CNTNAP2: variants seen among roughly 807,000 people sequenced by gnomAD.
CNTNAP2 encodes the protein contactin associated protein 2.
Under a neutral mutation model 155.2 loss-of-function variants are expected in CNTNAP2, and 98 were observed. That is an observed-to-expected ratio of 0.63 (90% CI 0.54 to 0.75). The LOEUF (loss-of-function observed/expected upper bound fraction) is 0.75. CNTNAP2 is among the 30% of genes least tolerant of loss of function. The pLI, the probability that CNTNAP2 is intolerant of heterozygous loss-of-function variation, is 0.00. For missense variants in CNTNAP2, 1,727 were observed against 1,688.1 expected (o/e 1.02, Z -0.40); for synonymous variants, 651 against 631.2 (o/e 1.03, Z -0.47).
chr7:148,260,418 A>C (rs1408457920), intron 20 of CNTNAP2, among the ~76,000 whole-genome samples: 1 of 152,222 alleles, frequency 6.6e-6, no homozygotes, highest in Non-Finnish European at 1.5e-5. Context: ...TTAAAAGATC[A>C]GCACAAAGCC....
At chr7:147,009,295 C>T (rs1351810971) in intron 3 of CNTNAP2, among the ~76,000 whole-genome samples, 1 of 152,006 alleles carries the variant, frequency 6.6e-6, no homozygotes, top group Non-Finnish European at 1.5e-5. Context: ...TTTCCCCATT[C>T]TGCTTATAAA....
At chr7:148,112,756 G>C (rs1032915399) in intron 15 of CNTNAP2, among the ~76,000 whole-genome samples, 1 of 152,040 alleles carries the variant, frequency 6.6e-6, no homozygotes, top group African/African-American at 2.4e-5. Context: ...AGAGAAAGGG[G>C]CTGGGGAAGC....
chr7:146,567,804 TCC>T, intron 1 of CNTNAP2, among the ~76,000 whole-genome samples: 1 of 152,092 alleles, frequency 6.6e-6, no homozygotes, highest in Non-Finnish European at 1.5e-5. Flanking sequence ...CACTGCAAGC[TCC>T]GCCTCCCGGG....
intron 1 of CNTNAP2, among the ~76,000 whole-genome samples, chr7:146,333,296 G>C (rs540801022): frequency 6.6e-6 from 1 of 152,174 alleles, no homozygotes; most frequent in Non-Finnish European, 1.5e-5. Context: ...ACTGCTTTAA[G>C]AGTCAAAATG....
intron 21 of CNTNAP2, among the ~76,000 whole-genome samples, chr7:148,305,067 A>G (rs77502851): frequency 1.6e-4 from 24 of 148,624 alleles, no homozygotes; most frequent in South Asian, 4.3e-4. Flanking sequence ...AAAAAAAAAA[A>G]AAGACATTAA....
intron 1 of CNTNAP2, among the ~76,000 whole-genome samples, chr7:146,609,449 G>A (rs1478087788): frequency 1.3e-5 from 2 of 152,186 alleles, no homozygotes; most frequent in Non-Finnish European, 2.9e-5. Context: ...CACTGTTATA[G>A]TATTCTGCTG....
At chr7:147,215,798 A>G (rs970298202) in intron 8 of CNTNAP2, among the ~76,000 whole-genome samples, 3 of 152,054 alleles carry the variant, frequency 2.0e-5, no homozygotes, top group Non-Finnish European at 2.9e-5. Flanking sequence ...ACCATTTTGT[A>G]TTTTCACTGG....
At chr7:147,549,707 C>T (rs2116762114) in intron 11 of CNTNAP2, among the ~76,000 whole-genome samples, 1 of 152,242 alleles carries the variant, frequency 6.6e-6, no homozygotes, top group Admixed American at 6.5e-5. Flanking sequence ...CACAGCAGTT[C>T]TGGTATAAGG....
intron 12 of CNTNAP2, among the ~76,000 whole-genome samples, chr7:147,580,420 CT>C (rs1367308721): frequency 6.6e-6 from 1 of 152,138 alleles, no homozygotes; most frequent in Non-Finnish European, 1.5e-5. Context: ...CTAGTCACAT[CT>C]AGTTTTACAG....
rs559051867 is a variant in CNTNAP2, at chr7:146,250,074, A to G, written c.97+133101A>G. Among the ~76,000 whole-genome samples the G allele has an allele frequency of 8.5e-5, 13 of 152,284 alleles. No homozygotes were observed. In the South Asian group the frequency reaches 2.7e-3, roughly 32 times the overall value. On this transcript the variant is annotated intron_variant, in intron 1 of 23. Coordinates refer to ENST00000361727, the MANE Select transcript of CNTNAP2 (RefSeq NM_014141.6). Reference sequence around the variant, plus strand: ...CAGCTATTAATCTGAAATTAAATCTATTACGTGCCAGAAACAAATTACCCC... The same window carrying G: ...CAGCTATTAATCTGAAATTAAATCTGTTACGTGCCAGAAACAAATTACCCC...
intron 1 of CNTNAP2, among the ~76,000 whole-genome samples, chr7:146,485,819 T>G (rs1477351080): frequency 6.6e-6 from 1 of 151,930 alleles, no homozygotes; most frequent in East Asian, 1.9e-4. Context: ...TGACACAAAT[T>G]ACCTATTAAC....
intron 13 of CNTNAP2, among the ~76,000 whole-genome samples, chr7:147,791,804 A>G (rs1301844973): frequency 6.6e-6 from 1 of 151,598 alleles, no homozygotes; most frequent in Non-Finnish European, 1.5e-5. Context: ...AGGTAACTTC[A>G]GGAACATGCG....
intron 2 of CNTNAP2, among the ~76,000 whole-genome samples, chr7:146,801,539 C>T (rs752681063): frequency 7.2e-5 from 11 of 151,976 alleles, no homozygotes; most frequent in East Asian, 1.9e-4. Flanking sequence ...AAGAAAGGTA[C>T]GTAAGTGGAA....
At chr7:147,613,443 C>T (rs1271036367) in intron 12 of CNTNAP2, among the ~76,000 whole-genome samples, 1 of 152,188 alleles carries the variant, frequency 6.6e-6, no homozygotes. Context: ...TAAAATTTCA[C>T]ATTCTTTATG....
intron 8 of CNTNAP2, among the ~76,000 whole-genome samples, chr7:147,286,546 T>C (rs992734768): frequency 2.6e-5 from 4 of 152,062 alleles, no homozygotes; most frequent in Non-Finnish European, 5.9e-5. Context: ...TGATAATATA[T>C]GCATTACCCA....
intron 10 of CNTNAP2, among the ~76,000 whole-genome samples, chr7:147,435,411 C>T (rs961036234): frequency 6.6e-6 from 1 of 152,120 alleles, no homozygotes; most frequent in Non-Finnish European, 1.5e-5. Context: ...GAATTTTCCC[C>T]GTCTTACATA....
chr7:147,309,710 G>T (rs1795088423), intron 9 of CNTNAP2, among the ~76,000 whole-genome samples: 1 of 152,032 alleles, frequency 6.6e-6, no homozygotes, highest in African/African-American at 2.4e-5. Flanking sequence ...TTTATGCAAT[G>T]TTCCTCATTT....
At position 147,476,191 on chromosome 7, in the gene CNTNAP2, C is replaced by T. The variant is rs193142941; in HGVS notation, c.1671-9744C>T. Among the ~76,000 whole-genome samples, 268 of 152,114 alleles carry T rather than the reference C, an allele frequency of 1.8e-3. 1 individual carries two copies. Among genetic ancestry groups the T allele is most frequent in the African/African-American group, 6.2e-3 (256 of 41,508 alleles). On this transcript the variant is annotated intron_variant, in intron 10 of 23. Coordinates refer to ENST00000361727, the MANE Select transcript of CNTNAP2 (RefSeq NM_014141.6). ...CACGATCTCGGCTCACTGCAATCTC[C>T]TCCTCCTGGGTTCACACCATTCTCC...
intron 3 of CNTNAP2, among the ~76,000 whole-genome samples, chr7:147,035,683 C>CT (rs201305541): frequency 6.6e-6 from 1 of 151,846 alleles, no homozygotes; most frequent in East Asian, 1.9e-4. Context: ...GTTTTAGGCA[C>CT]TTTTTTTTAG....
Sources: gnomAD v4.1 joint callset for allele counts (sites outside exome capture counted in the v4.1 genomes callset) on GRCh38, gnomAD v4.1.1 for gene constraint, MANE v1.5 for transcripts, NCBI Gene and HGNC (gene_info 2026-07-23, HGNC 2026-07-21) for gene names.